Variants in CFAP46 observed in about 807,000 individuals in gnomAD.
CFAP46 encodes cilia and flagella associated protein 46.
A neutral mutation model predicts 325.7 loss-of-function variants in CFAP46; 245 were observed. The ratio of observed to expected loss-of-function variants is 0.75; its 90% CI spans 0.68 to 0.84. The LOEUF (loss-of-function observed/expected upper bound fraction) is 0.84, where lower values mean the gene tolerates loss of function less well. CFAP46 is among the 40% of genes least tolerant of loss of function. The pLI, the probability that CFAP46 is intolerant of heterozygous loss-of-function variation, is 0.00. For missense variants in CFAP46, 3,346 were observed against 3,543.0 expected, an observed-to-expected ratio of 0.94 and a Z score of 1.41; for synonymous variants, 1,523 against 1,495.9, an observed-to-expected ratio of 1.02 and a Z score of -0.42.
In CFAP46 at chr10:132,836,233, T is replaced by C; in HGVS notation, c.6537-15A>G. 6.2e-7 allele frequency: 1 copy of C among 1,610,216 alleles called. No homozygotes were observed. Among genetic ancestry groups the C allele is most frequent in the Non-Finnish European group, 8.5e-7 (1 of 1,179,308 alleles). Reference sequence around the variant, plus strand: ...ACAGACGGGACCTGCTGGCAGGACGTGGGCCAGGGTCGCAGGCAAGCCATG... The same window carrying C: ...ACAGACGGGACCTGCTGGCAGGACGCGGGCCAGGGTCGCAGGCAAGCCATG... On this transcript the variant is annotated splice_polypyrimidine_tract_variant and intron_variant, in intron 45 of 57. Transcript: ENST00000368586.
At chr10:132,922,408 C>G (rs1849737936) in intron 12 of CFAP46, 72 bp downstream of exon 12, 1 of 1,468,602 alleles carries the variant, frequency 6.8e-7, no homozygotes, top group Non-Finnish European at 9.1e-7. Flanking sequence ...CCCTGCTGTG[C>G]CCTCAGAGCC....
chr10:132,833,917 G>A, intron 49 of CFAP46, 124 bp downstream of exon 49: 1 of 838,244 alleles, frequency 1.2e-6, no homozygotes, highest in Non-Finnish European at 2.0e-6. Flanking sequence ...GGAGCAGCAG[G>A]GCTTGTGGGA....
chr10:132,872,898 G>A (rs1238202325), intron 31 of CFAP46, 74 bp from the exon 32 acceptor site: 2 of 1,508,092 alleles, frequency 1.3e-6, no homozygotes, highest in Non-Finnish European at 1.8e-6. Context: ...TCTTTCCTCA[G>A]AGAACTCCCT....
In CFAP46 at chr10:132,924,688, C is replaced by T. The variant is rs991781391; in HGVS notation, c.1256+8G>A. 7.3e-6 allele frequency: 11 copies of T among 1,507,234 alleles called. No homozygotes were observed. In the South Asian group the frequency reaches 7.6e-5, roughly 10 times the overall value. 93.4% of individuals were successfully genotyped at this position (1,507,234 alleles called of 1,614,324 possible). On this transcript the variant is annotated splice_region_variant and intron_variant, in intron 11 of 57. Transcript: ENST00000368586. ...CTGTGGAGGACACAGCACAGGTGAG[C>T]GCCCCACCTGTCCAGCTTCTCCAGC...
chr10:132,879,768 G>T, intron 28 of CFAP46, 137 bp from the exon 29 acceptor site: 2 of 882,830 alleles, frequency 2.3e-6, no homozygotes, highest in South Asian at 2.0e-5. Context: ...TCTGCTGAGG[G>T]CCGGCAGCCA....
chr10:132,894,011 C>T (rs1373680843), intron 24 of CFAP46, among the ~76,000 whole-genome samples: 1 of 151,656 alleles, frequency 6.6e-6, no homozygotes, highest in Non-Finnish European at 1.5e-5. Context: ...GCTGCAGCCC[C>T]CTGTGGGTTT....
intron 44 of CFAP46, among the ~76,000 whole-genome samples, chr10:132,844,846 C>A (rs1420741699): frequency 6.6e-6 from 1 of 152,182 alleles, no homozygotes; most frequent in Non-Finnish European, 1.5e-5. Flanking sequence ...CTGCCCGGGG[C>A]AGCCCAATTT....
chr10:132,812,747 G>A (rs539829395), intron 55 of CFAP46, 38 bp downstream of exon 55: 4 of 1,507,354 alleles, frequency 2.7e-6, no homozygotes, highest in East Asian at 4.5e-5. Context: ...TTTGTCCTGT[G>A]CCCGCGGGGG....
Position 132,929,351 on chromosome 10 carries a change from CGAG to C in CFAP46, c.966+351_966+353del, listed in dbSNP as rs1208324150. ...ACTGCAGAAAGTGAACTGCGGGTAA[CGAG>C]GCACTGCCGGTGTGATTTACACGTC... On this transcript the variant is annotated intron_variant, in intron 9 of 57. Coordinates refer to ENST00000368586, the MANE Select transcript of CFAP46 (RefSeq NM_001200049.3). The C allele has an allele frequency of 1.5e-4, 93 of 618,392 alleles. 2 individuals carry two copies. In the South Asian group the frequency reaches 1.6e-3, roughly 11 times the overall value. 38.3% of individuals were successfully genotyped at this position (618,392 alleles called of 1,614,324 possible). A position where few individuals can be genotyped will look rare whatever the true frequency, so the allele number is the denominator to read the frequency against.
chr10:132,910,020 T>C lies in CFAP46; in HGVS notation c.2548A>G (p.Thr850Ala). The C allele has an allele frequency of 6.5e-7, 1 of 1,540,226 alleles. No individual in the cohort carries two copies. The highest frequency in any genetic ancestry group is 8.7e-7 in the Non-Finnish European group (1 of 1,142,900). ...TGCTGCCGGGTGCCGGTGGGCACCG[T>C]CTCCTCGGGCGCACTCCCATTGGTC... ...NLTNGSAPEE[T>A]VPTGTRQQLI... Residue 850 changes from threonine (T) to alanine (A), a missense_variant, in exon 20 of 58, where the codon ACG becomes GCG. Physicochemically the swap from Thr to Ala is moderately conservative, Grantham distance 58. Coordinates refer to ENST00000368586, the MANE Select transcript of CFAP46 (RefSeq NM_001200049.3).
rs1478616499 is a variant in CFAP46 at position 132,879,523 on chromosome 10, C to G, written c.3908G>C (p.Arg1303Pro). 3 of 1,547,024 alleles carry G rather than the reference C, an allele frequency of 1.9e-6. No individual in the cohort carries two copies. Among genetic ancestry groups the G allele is most frequent in the Non-Finnish European group, 2.6e-6 (3 of 1,145,974 alleles). ...RSVRQLEALA[R>P]VHILLALVLS... Reference sequence around the variant, plus strand: ...CACCAGGGCCAGCAGGATGTGCACGCGGGCCAGCGCCTCCAGCTGCCGCAC... The same window carrying G: ...CACCAGGGCCAGCAGGATGTGCACGGGGGCCAGCGCCTCCAGCTGCCGCAC... Residue 1303 changes from arginine (R) to proline (P), a missense_variant, in exon 29 of 58, where the codon CGC (arginine) becomes CCC (proline). Arg to Pro is a moderately radical substitution (Grantham distance 103, BLOSUM62 -2). Transcript: ENST00000368586.
At chr10:132,830,502 G>A (rs542091942) in intron 50 of CFAP46, among the ~76,000 whole-genome samples, 1 of 152,322 alleles carries the variant, frequency 6.6e-6, no homozygotes, top group African/African-American at 2.4e-5. Flanking sequence ...ATAGATACAG[G>A]CATATCCAGG....
At chr10:132,885,763 TGGGGGG>T (rs1849117225) in intron 26 of CFAP46, 52 bp downstream of exon 26, 1 of 1,336,426 alleles carries the variant, frequency 7.5e-7, no homozygotes, top group Non-Finnish European at 9.6e-7. Context: ...TCACAGGCGG[TGGGGGG>T]AGCACTCAGG....
intron 24 of CFAP46, 76 bp downstream of exon 24, chr10:132,898,883 A>T: frequency 6.6e-7 from 1 of 1,508,634 alleles, no homozygotes; most frequent in Non-Finnish European, 9.0e-7. Flanking sequence ...TTTCTTTGGG[A>T]GTCTCTCCGG....
chr10:132,887,433 TTCCTCTCCCCTCTTCTCTC>T (rs1372856699), intron 25 of CFAP46, among the ~76,000 whole-genome samples: 5 of 91,824 alleles, frequency 5.4e-5, no homozygotes, highest in Non-Finnish European at 6.7e-5. Context: ...CCCCTCTTCT[TTCCTCTCCCCTCTTCTCTC>T]TCCTCTCCCC....
rs899709488 is a variant in CFAP46 at position 132,832,398 on chromosome 10, C to CCCG, written c.7117+959_7117+960insCGG. 2.0e-3 allele frequency among the ~76,000 whole-genome samples: 269 copies of CCCG among 132,996 alleles called. 4 individuals carry two copies. Among genetic ancestry groups the CCCG allele is most frequent in the African/African-American group, 5.9e-3 (208 of 35,158 alleles). 87.3% of individuals were successfully genotyped at this position (132,996 alleles called of 152,430 possible). ...CCCTGGGCTCTTCCTGCCCCCCCCC[C>CCCG]CCAATGCTGTGGCCTGGAAATTCCC... is the stretch of plus-strand genomic sequence containing the variant. On this transcript the variant is annotated intron_variant, in intron 50 of 57. Coordinates refer to ENST00000368586, the MANE Select transcript of CFAP46 (RefSeq NM_001200049.3). The surrounding 1 kb of genome is among the most constrained non-coding windows in gnomAD (Gnocchi z 4.1).
intron 48 of CFAP46, 124 bp downstream of exon 48, chr10:132,834,530 C>T (rs11146535): frequency 0.013 from 18,358 of 1,362,620 alleles, 289 homozygotes; most frequent in African/African-American, 0.067. Flanking sequence ...AGGCAGGCGG[C>T]GCCGAGTCCT....
At position 132,832,388 on chromosome 10, in the gene CFAP46, G is replaced by GCCCC. The variant is rs60514588; in HGVS notation, c.7117+966_7117+969dup. Among the ~76,000 whole-genome samples the GCCCC allele has an allele frequency of 1.2e-4, 13 of 106,058 alleles. No homozygotes were observed. Among genetic ancestry groups the GCCCC allele is most frequent in the South Asian group, 3.7e-4 (1 of 2,730 alleles). The allele number at this position is 106,058 out of a possible 152,430, so 69.6% of individuals were successfully genotyped here. ...TTGCGGAGACCCCTGGGCTCTTCCTGCCCCCCCCCCCCAATGCTGTGGCCT... is the reference window on the plus strand; with the variant it reads ...TTGCGGAGACCCCTGGGCTCTTCCTGCCCCCCCCCCCCCCCCAATGCTGTGGCCT... On this transcript the variant is annotated intron_variant, in intron 50 of 57. Coordinates refer to ENST00000368586, the MANE Select transcript of CFAP46 (RefSeq NM_001200049.3). This position sits in a 1 kb window ranked among gnomAD's most constrained non-coding sequence, Gnocchi z 4.1.
intron 22 of CFAP46, among the ~76,000 whole-genome samples, chr10:132,903,626 C>T (rs939541714): frequency 2.0e-5 from 3 of 152,256 alleles, no homozygotes; most frequent in Non-Finnish European, 4.4e-5. Flanking sequence ...ACAACTGTCT[C>T]ACGTATATTT....
Sources: allele counts gnomAD v4.1 joint callset (sites outside exome capture counted in the v4.1 genomes callset), GRCh38; gene constraint gnomAD v4.1.1; non-coding constraint Gnocchi (gnomAD v3.1); transcripts MANE v1.5; gene names NCBI Gene and HGNC (gene_info 2026-07-23, HGNC 2026-07-21).